The following TSFM variants were observed in gnomAD, a reference collection of about 807,000 sequenced individuals.
TSFM encodes elongation factor Ts, mitochondrial.
In TSFM, 29 loss-of-function variants were observed where a neutral mutation model predicts 33.4. The observed-to-expected ratio is 0.87, with a 90% CI of 0.65 to 1.18. The LOEUF is 1.18. Ranked by LOEUF, TSFM falls within the 50% of genes most tolerant of loss-of-function variation. The probability of loss-of-function intolerance (pLI) is 0.00; values close to 1 mark genes in which losing one functional copy is unlikely to be tolerated. For missense variants in TSFM, 394 were observed against 395.6 expected, an observed-to-expected ratio of 1.00 and a Z score of 0.04; for synonymous variants, 178 against 163.5, an observed-to-expected ratio of 1.09 and a Z score of -0.68.
At chr12:57,786,896 G>A (rs1349173310) in intron 3 of TSFM, 144 bp from the exon 4 acceptor site, 6 of 829,930 alleles carry the variant, frequency 7.2e-6, no homozygotes, top group African/African-American at 5.2e-5. Flanking sequence ...GAGAGGAAGC[G>A]TAGCTTTAAA....
chr12:57,785,845 C>T (rs569273243), intron 2 of TSFM, among the ~76,000 whole-genome samples: 1 of 152,268 alleles, frequency 6.6e-6, no homozygotes, highest in East Asian at 1.9e-4. Context: ...AATTTTTCAG[C>T]TCCATTATAA....
intron 4 of TSFM, among the ~76,000 whole-genome samples, chr12:57,790,472 C>G (rs1345519190): frequency 6.6e-6 from 1 of 152,148 alleles, no homozygotes; most frequent in African/African-American, 2.4e-5. Context: ...ATAGCAACTT[C>G]AATATGTTTA....
Position 57,787,022 on chromosome 12 carries a change from A to G in TSFM, c.361-18A>G, listed in dbSNP as rs759983584. ...ATCATTAAACAGCTTATACAGCTATATCAATTTGTTCCCACAGGTAAACTG... is the reference window on the plus strand; with the variant it reads ...ATCATTAAACAGCTTATACAGCTATGTCAATTTGTTCCCACAGGTAAACTG... On this transcript the variant is annotated intron_variant, in intron 3 of 5. Transcript: ENST00000652027. The G allele has an allele frequency of 1.2e-6, 2 of 1,612,206 alleles. No homozygotes were observed. The highest frequency in any genetic ancestry group is 2.7e-5 in the African/African-American group (2 of 74,888).
downstream of TSFM, chr12:57,798,050 C>CAGA: frequency 7.2e-7 from 1 of 1,387,620 alleles, no homozygotes; most frequent in Non-Finnish European, 9.9e-7. Context: ...TCATTGCCAA[C>CAGA]AGAAGTTGAG....
At chr12:57,795,446 G>A (rs1054111071) in intron 5 of TSFM, among the ~76,000 whole-genome samples, 2 of 152,132 alleles carry the variant, frequency 1.3e-5, no homozygotes, top group East Asian at 1.9e-4. Flanking sequence ...TGAAAGGTAG[G>A]TGGTGTCATC....
intron 5 of TSFM, among the ~76,000 whole-genome samples, chr12:57,793,304 T>C (rs1044947087): frequency 3.0e-4 from 46 of 152,192 alleles, no homozygotes; most frequent in African/African-American, 1.1e-3. Flanking sequence ...CTCGGCTCAC[T>C]GCAAGCTCCG....
At chr12:57,795,695 A>G (rs1595147563) in intron 5 of TSFM, among the ~76,000 whole-genome samples, 1 of 151,676 alleles carries the variant, frequency 6.6e-6, no homozygotes, top group African/African-American at 2.4e-5. Context: ...GCTCACTGCA[A>G]CCTCCGCTTC....
chr12:57,801,059 G>T, downstream of TSFM: 1 of 1,126,040 alleles, frequency 8.9e-7, no homozygotes, highest in Non-Finnish European at 1.3e-6. Context: ...CATGAGTTTT[G>T]CCTGTGAGCA....
downstream of TSFM, chr12:57,802,018 T>C (rs2307097): frequency 0.35 from 338,710 of 956,428 alleles, 65,300 homozygotes; most frequent in Middle Eastern, 0.48. Context: ...AGGAGAAAAG[T>C]AAAAGGCAGG....
downstream of TSFM, chr12:57,801,126 A>C (rs1300494990): frequency 6.2e-7 from 1 of 1,611,682 alleles, no homozygotes; most frequent in Non-Finnish European, 8.5e-7. Flanking sequence ...GCTTCTCCCA[A>C]GAGCGAACCC....
intron 5 of TSFM, 97 bp downstream of exon 5, chr12:57,793,170 A>C: frequency 9.6e-7 from 1 of 1,037,812 alleles, no homozygotes; most frequent in South Asian, 1.4e-5. Context: ...TGTGCCTACA[A>C]GGGTCAGATG....
chr12:57,786,541 T>G (rs533276411), intron 3 of TSFM, among the ~76,000 whole-genome samples: 1 of 151,840 alleles, frequency 6.6e-6, no homozygotes, highest in East Asian at 1.9e-4. Context: ...TGGCACAGGC[T>G]TACACCTTGT....
downstream of TSFM, chr12:57,799,851 G>C (rs1356095644): frequency 1.9e-6 from 3 of 1,614,056 alleles, no homozygotes; most frequent in African/African-American, 4.0e-5. Context: ...TTTTTCAACA[G>C]AACTGCTATA....
At chr12:57,787,421 T>G (rs1188282763) in intron 4 of TSFM, among the ~76,000 whole-genome samples, 3 of 152,194 alleles carry the variant, frequency 2.0e-5, no homozygotes, top group African/African-American at 7.2e-5. Flanking sequence ...AATGTAAGCT[T>G]TATGAGGCAG....
downstream of TSFM, chr12:57,799,733 G>T: frequency 6.2e-7 from 1 of 1,606,096 alleles, no homozygotes; most frequent in South Asian, 1.1e-5. Flanking sequence ...CATTTGCTGA[G>T]CTGAGTTTTT....
intron 4 of TSFM, among the ~76,000 whole-genome samples, chr12:57,789,153 G>A (rs907602164): frequency 4.0e-5 from 6 of 151,456 alleles, no homozygotes; most frequent in African/African-American, 1.2e-4. Context: ...TTGTAGAGAC[G>A]GGAGTTTCAC....
At chr12:57,790,877 T>C (rs1326110610) in intron 4 of TSFM, among the ~76,000 whole-genome samples, 1 of 152,018 alleles carries the variant, frequency 6.6e-6, no homozygotes, top group East Asian at 1.9e-4. Context: ...TTTAAATCTT[T>C]TTTATATTAA....
Position 57,783,169 on chromosome 12 carries a change from T to C in TSFM, c.117T>C (p.Arg39=), listed in dbSNP as rs147609698. Residue 39 remains arginine, a synonymous_variant, in exon 2 of 6, where the codon CGT becomes CGC. Transcript: ENST00000652027. ...GGCACACATTTTATGCTGGGCCCCG[T>C]CTGTCTGCCTCGGCCTCCAGCAAGG... ...QPRHTFYAGP[R]LSASASSKEL... 6.2e-7 allele frequency: 1 copy of C among 1,613,476 alleles called. No homozygotes were observed. The highest frequency in any genetic ancestry group is 2.2e-5 in the East Asian group (1 of 44,884).
At chr12:57,800,409 A>AT, downstream of TSFM, 1 of 153,762 alleles carries the variant, frequency 6.5e-6, no homozygotes, top group Non-Finnish European at 1.5e-5. Flanking sequence ...GAGGTTAAAG[A>AT]ACTGCTGGAT....
Sources: allele counts gnomAD v4.1 joint callset (sites outside exome capture counted in the v4.1 genomes callset), GRCh38; gene constraint gnomAD v4.1.1; transcripts MANE v1.5; gene names NCBI Gene and HGNC (gene_info 2026-07-23, HGNC 2026-07-21).